Variants in RGS22 observed in about 807,000 individuals in gnomAD.
The protein encoded by RGS22 is regulator of G-protein signaling 22.
In RGS22, 148 loss-of-function variants were observed where a neutral mutation model predicts 172.9. The observed-to-expected ratio is 0.86, with a 90% confidence interval of 0.75 to 0.98. The LOEUF is 0.98. RGS22 is among the 50% of genes least tolerant of loss of function. The pLI is 0.00. For synonymous variants in RGS22, 458 were observed against 480.2 expected (o/e 0.95, Z 0.60); for missense variants, 1,347 against 1,440.8 (o/e 0.93, Z 1.05).
At chr8:100,053,946 TA>T (rs1487805761) in intron 9 of RGS22, among the ~76,000 whole-genome samples, 2 of 152,214 alleles carry the variant, frequency 1.3e-5, no homozygotes, top group Non-Finnish European at 2.9e-5. Context: ...TAAACATTTT[TA>T]TAATGCTTAA....
intron 14 of RGS22, chr8:100,023,987 G>A (rs989041983): frequency 1.3e-5 from 2 of 152,692 alleles, no homozygotes; most frequent in Non-Finnish European, 2.9e-5. Flanking sequence ...TTTTTTCCAA[G>A]AAAGAGTCTT....
intron 2 of RGS22, among the ~76,000 whole-genome samples, chr8:100,103,977 G>A (rs1421004378): frequency 1.3e-5 from 2 of 152,176 alleles, no homozygotes; most frequent in East Asian, 3.9e-4. Context: ...GGAACTAAGA[G>A]TAAATTCAGG....
At chr8:99,991,512 A>G (rs1813717911) in intron 20 of RGS22, among the ~76,000 whole-genome samples, 1 of 152,238 alleles carries the variant, frequency 6.6e-6, no homozygotes. Flanking sequence ...GAAGAAGGGT[A>G]TCAGTGATTA....
rs143529804 is a variant in RGS22 at position 100,077,461 on chromosome 8, T to G, written c.339+2673A>C. ...TAGTTTTTATTCAATTCAACATAAT[T>G]TTTAATTTCCCTTGGGACTTAGTCT... On this transcript the variant is annotated intron_variant, in intron 4 of 27. Transcript: ENST00000360863. Among the ~76,000 whole-genome samples the G allele has an allele frequency of 2.4e-3, 362 of 152,358 alleles. 4 individuals carry two copies. Among genetic ancestry groups the G allele is most frequent in the African/African-American group, 8.4e-3 (348 of 41,594 alleles).
intron 14 of RGS22, among the ~76,000 whole-genome samples, chr8:100,035,213 C>T (rs1819307901): frequency 6.6e-6 from 1 of 152,102 alleles, no homozygotes; most frequent in Non-Finnish European, 1.5e-5. Context: ...ACCCATCTGA[C>T]AAAGGGCTAA....
In RGS22 at chr8:100,096,419, G is replaced by A. The variant is rs542306332; in HGVS notation, c.55-2910C>T. On this transcript the variant is annotated intron_variant, in intron 2 of 27. Transcript: ENST00000360863. ...AGAATTGAATGTACTCTTGAAACCT[G>A]TTTTTTCATGTATTACAGGTGTGCC... is the stretch of plus-strand genomic sequence containing the variant. 3.9e-5 allele frequency among the ~76,000 whole-genome samples: 6 copies of A among 152,262 alleles called. No individual in the cohort carries two copies. The East Asian group carries it at 9.7e-4, about 25-fold the overall frequency.
chr8:100,078,269 C>T (rs1338231982), intron 4 of RGS22, among the ~76,000 whole-genome samples: 2 of 151,828 alleles, frequency 1.3e-5, no homozygotes, highest in African/African-American at 4.8e-5. Context: ...AATGAGGCCT[C>T]ACTCTGTCAC....
Position 100,063,731 on chromosome 8 carries a change from T to C in RGS22, c.1037A>G (p.Asn346Ser), listed in dbSNP as rs1810328844. 1.9e-6 allele frequency: 3 copies of C among 1,613,958 alleles called. No individual in the cohort carries two copies. The highest frequency in any genetic ancestry group is 2.7e-5 in the African/African-American group (2 of 74,948). Residue 346 changes from asparagine to serine, a missense_variant, in exon 8 of 28, where the codon AAC (asparagine) becomes AGC (serine). By Grantham distance (46) the Asn-to-Ser change is conservative. Transcript: ENST00000360863. ...ATCAAATGACACTTTTGTTATATTG[T>C]TGAAGTTTATATAGTCTGGGGTTTC... ...VGETPDYINF[N>S]NITKVSFDDC...
chr8:100,089,114 A>T (rs1812367760), intron 3 of RGS22, among the ~76,000 whole-genome samples: 1 of 151,936 alleles, frequency 6.6e-6, no homozygotes, highest in Non-Finnish European at 1.5e-5. Flanking sequence ...AGATAAAATA[A>T]ACAGAGAAGA....
intron 14 of RGS22, among the ~76,000 whole-genome samples, chr8:100,026,386 C>T (rs1248401776): frequency 6.6e-6 from 1 of 152,164 alleles, no homozygotes; most frequent in East Asian, 1.9e-4. Flanking sequence ...CTAAAAACAC[C>T]AGTGCACAAC....
chr8:100,001,216 A>ATATATATATG (rs1362455224), intron 18 of RGS22, among the ~76,000 whole-genome samples: 21 of 135,214 alleles, frequency 1.6e-4, no homozygotes, highest in Non-Finnish European at 2.8e-4. Context: ...ATATATATAT[A>ATATATATATG]TATACATATA....
Position 99,980,005 on chromosome 8 carries a change from A to C in RGS22, c.3361-1930T>G, listed in dbSNP as rs142962675. Among the ~76,000 whole-genome samples the C allele has an allele frequency of 2.6e-5, 4 of 152,364 alleles. No homozygotes were observed. In the East Asian group the frequency reaches 7.7e-4, roughly 29 times the overall value. On this transcript the variant is annotated intron_variant, in intron 22 of 27. Coordinates refer to ENST00000360863, the MANE Select transcript of RGS22 (RefSeq NM_015668.5). ...AATTATTTCAATTAGACTAGGGCAG[A>C]GATGGCAGGGAGTGGTAAAAGATGT... is the stretch of plus-strand genomic sequence containing the variant.
At chr8:100,093,736 TAA>T (rs993237534) in intron 2 of RGS22, among the ~76,000 whole-genome samples, 13 of 152,286 alleles carry the variant, frequency 8.5e-5, no homozygotes, top group Middle Eastern at 6.8e-3. Context: ...GGCATACTCT[TAA>T]AACACTTTGC....
chr8:100,100,110 G>A (rs576858446), intron 2 of RGS22, among the ~76,000 whole-genome samples: 2 of 152,248 alleles, frequency 1.3e-5, no homozygotes, highest in South Asian at 4.1e-4. Flanking sequence ...ACCCCCCACA[G>A]ACACTGAAAT....
At chr8:100,058,181 A>AC (rs200203444) in intron 9 of RGS22, among the ~76,000 whole-genome samples, 74,610 of 148,764 alleles carry the variant, frequency 0.5, 19,755 homozygotes, top group Admixed American at 0.6. Context: ...CAAAAAAAAA[A>AC]AAAAACAACA....
chr8:100,093,445 A>G lies in RGS22; in HGVS notation c.117+2T>C. On this transcript the variant is annotated splice_donor_variant, in intron 3 of 27. Transcript: ENST00000360863. LOFTEE classifies it high-confidence loss of function. ...TTCAATAGATCATAATAATAAACTC[A>G]CTGGAAGGCTTAGGAATTCATTAAA... The G allele has an allele frequency of 6.4e-7, 1 of 1,554,266 alleles. No individual in the cohort carries two copies. Among genetic ancestry groups the G allele is most frequent in the Non-Finnish European group, 8.8e-7 (1 of 1,132,878 alleles).
intron 16 of RGS22, among the ~76,000 whole-genome samples, chr8:100,005,545 T>C (rs1815597556): frequency 2.6e-5 from 4 of 152,220 alleles, no homozygotes; most frequent in Admixed American, 2.6e-4. Flanking sequence ...TTTAATATCC[T>C]AATCAATCCT....
chr8:99,971,529 C>G (rs1257263816), intron 23 of RGS22, among the ~76,000 whole-genome samples: 1 of 152,200 alleles, frequency 6.6e-6, no homozygotes, highest in Non-Finnish European at 1.5e-5. Flanking sequence ...TCAGCAAAGT[C>G]TCAGAATACA....
chr8:99,999,421 C>T lies in RGS22; in HGVS notation c.2791-1G>A. 6.2e-7 allele frequency: 1 copy of T among 1,610,778 alleles called. No homozygotes were observed. The highest frequency in any genetic ancestry group is 8.5e-7 in the Non-Finnish European group (1 of 1,179,040). On this transcript the variant is annotated splice_acceptor_variant, in intron 18 of 27. Coordinates refer to ENST00000360863, the MANE Select transcript of RGS22 (RefSeq NM_015668.5). LOFTEE classifies it high-confidence loss of function. ...CCCAGCCACCACTTAAATGCATTAC[C>T]TAAGAAAATTAAGATGGAAACAGAA... is the stretch of plus-strand genomic sequence containing the variant.
Sources: allele counts gnomAD v4.1 joint callset (sites outside exome capture counted in the v4.1 genomes callset), GRCh38; gene constraint gnomAD v4.1.1; transcripts MANE v1.5; gene names NCBI Gene and HGNC (gene_info 2026-07-23, HGNC 2026-07-21).